ADAMTS9: variants seen among roughly 807,000 people sequenced by gnomAD.
ADAMTS9 encodes A disintegrin and metalloproteinase with thrombospondin motifs 9.
A neutral mutation model predicts 257.1 loss-of-function variants in ADAMTS9; 107 were observed. That is an observed-to-expected ratio of 0.42 (90% confidence interval 0.36 to 0.49). ADAMTS9 has a LOEUF of 0.49. ADAMTS9 is among the 20% of genes least tolerant of loss of function. The pLI, the probability that ADAMTS9 is intolerant of heterozygous loss-of-function variation, is 0.03. For missense variants in ADAMTS9, 2,353 were observed against 2,469.1 expected (o/e 0.95, Z 1.00); for synonymous variants, 982 against 880.9 (o/e 1.11, Z -2.03).
At position 64,633,607 on chromosome 3, in the gene ADAMTS9, A is replaced by G; in HGVS notation, c.2040T>C (p.Ile680=). ...NVRWVPKYSG[I]LMKDRCKLFC... ...ACAACTTGCACCGGTCCTTCATCAG[A>G]ACTAGAGAGGAGAAACAATACAACT... Residue 680 remains isoleucine, a splice_region_variant and synonymous_variant, in exon 14 of 40, where the codon ATT becomes ATC. Transcript: ENST00000498707. 1.2e-6 allele frequency: 2 copies of G among 1,614,066 alleles called. No individual in the cohort carries two copies. Among genetic ancestry groups the G allele is most frequent in the Non-Finnish European group, 1.7e-6 (2 of 1,180,008 alleles).
rs11717158 is a variant in ADAMTS9 at position 64,633,372 on chromosome 3, C to T, written c.2175+100G>A. 685,168 of 1,518,404 alleles carry T rather than the reference C, an allele frequency of 0.45. 159,161 individuals are homozygous for T. Among genetic ancestry groups the T allele is most frequent in the African/African-American group, 0.74 (54,055 of 72,752 alleles). 94.1% of individuals were successfully genotyped at this position (1,518,404 alleles called of 1,614,324 possible). ...ACTTTGAGAACCACTGCCCTGGCAA[C>T]AGTGCACAGATACTAGCAGTTGCTA... On this transcript the variant is annotated intron_variant, in intron 14 of 39. Coordinates refer to ENST00000498707, the MANE Select transcript of ADAMTS9 (RefSeq NM_182920.2).
intron 39 of ADAMTS9, among the ~76,000 whole-genome samples, chr3:64,518,766 T>C (rs1171067456): frequency 6.3e-4 from 21 of 33,578 alleles, no homozygotes; most frequent in Non-Finnish European, 5.2e-3. Flanking sequence ...ACCTTTTCAT[T>C]TTTTTTTTTT....
chr3:64,629,259 A>G (rs942290606), intron 16 of ADAMTS9, among the ~76,000 whole-genome samples: 1 of 152,110 alleles, frequency 6.6e-6, no homozygotes, highest in African/African-American at 2.4e-5. Flanking sequence ...TCTCTTCTCA[A>G]TGTACCAGCC....
rs56347750 is a variant in ADAMTS9, at chr3:64,542,430, C to CTTTCTTT, written c.5065-461_5065-460insAAAGAAA. On this transcript the variant is annotated intron_variant, in intron 32 of 39. Coordinates refer to ENST00000498707, the MANE Select transcript of ADAMTS9 (RefSeq NM_182920.2). ...CTGATCACTTTTCATTTCTTTCTTT[C>CTTTCTTT]TTTTTTTTTTTTTTGAGACAGAGTT... Among the ~76,000 whole-genome samples the CTTTCTTT allele has an allele frequency of 7.5e-3, 933 of 124,502 alleles. 17 individuals carry two copies. The highest frequency in any genetic ancestry group is 0.012 in the Middle Eastern group (3 of 254). The allele number at this position is 124,502 out of a possible 152,430, so 81.7% of individuals were successfully genotyped here. A position where few individuals can be genotyped will look rare whatever the true frequency, so the allele number is the denominator to read the frequency against.
intron 3 of ADAMTS9, among the ~76,000 whole-genome samples, chr3:64,667,318 T>G (rs1187028176): frequency 6.6e-6 from 1 of 152,228 alleles, no homozygotes; most frequent in Non-Finnish European, 1.5e-5. Context: ...TGAGAAGTCT[T>G]GCAGGAAAGA....
chr3:64,652,067 A>G (rs1700944512), intron 8 of ADAMTS9, among the ~76,000 whole-genome samples: 1 of 152,220 alleles, frequency 6.6e-6, no homozygotes, highest in African/African-American at 2.4e-5. Context: ...TCAGGCAATT[A>G]TCTACTGGGT....
At chr3:64,624,878 G>A (rs73832355) in intron 16 of ADAMTS9, among the ~76,000 whole-genome samples, 8,221 of 152,006 alleles carry the variant, frequency 0.054, 698 homozygotes, top group African/African-American at 0.18. Context: ...AATTTTGATT[G>A]TGCTGCTTTT....
chr3:64,580,805 C>T (rs950224876), intron 28 of ADAMTS9, among the ~76,000 whole-genome samples: 17 of 152,202 alleles, frequency 1.1e-4, no homozygotes, highest in Non-Finnish European at 2.2e-4. Flanking sequence ...TCCAAGGACC[C>T]AGTCCCAGGG....
chr3:64,604,552 G>T (rs1049690993), intron 23 of ADAMTS9, among the ~76,000 whole-genome samples: 2 of 152,176 alleles, frequency 1.3e-5, no homozygotes, highest in South Asian at 4.2e-4. Flanking sequence ...AAAGGGCAGG[G>T]GTCAGCTTGA....
At chr3:64,604,442 T>C (rs938537894) in intron 23 of ADAMTS9, 111 bp from the exon 24 acceptor site, 2 of 760,654 alleles carry the variant, frequency 2.6e-6, no homozygotes, top group Middle Eastern at 5.8e-4. Context: ...AGGCTTCAGA[T>C]TTCTGTGTGA....
chr3:64,590,477 T>C (rs901045393), intron 28 of ADAMTS9, among the ~76,000 whole-genome samples: 6 of 152,228 alleles, frequency 3.9e-5, no homozygotes, highest in African/African-American at 1.4e-4. Flanking sequence ...TGCTTTATTA[T>C]ATAACACATA....
At position 64,658,556 on chromosome 3, in the gene ADAMTS9, C is replaced by G. The variant is rs1701141584; in HGVS notation, c.915G>C (p.Met305Ile). The change falls in exon 4 of 40, where the codon ATG becomes ATC. Residue 305 changes from methionine to isoleucine, a missense_variant. By Grantham distance (10) the Met-to-Ile change is conservative. Around this residue, in one of 3 missense-constraint regions of ADAMTS9, gnomAD observed 591 missense variants for 569.6 expected, o/e 1.04. Coordinates refer to ENST00000498707, the MANE Select transcript of ADAMTS9 (RefSeq NM_182920.2). Reference sequence around the variant, plus strand: ...GAAGGTTTTCTCCATGGTATGAAACCATTCTGTTGTCTGCCACCACCAAGA... The same window carrying G: ...GAAGGTTTTCTCCATGGTATGAAACGATTCTGTTGTCTGCCACCACCAAGA... ...VEVLVVADNRMVSYHGENLQH... is the reference protein window; with the variant it reads ...VEVLVVADNRIVSYHGENLQH... 1 of 1,613,730 alleles carries G rather than the reference C, an allele frequency of 6.2e-7. No individual in the cohort carries two copies. Among genetic ancestry groups the G allele is most frequent in the Admixed American group, 1.7e-5 (1 of 59,976 alleles).
chr3:64,629,420 G>C (rs1186435033), intron 16 of ADAMTS9, among the ~76,000 whole-genome samples: 2 of 152,206 alleles, frequency 1.3e-5, no homozygotes, highest in Non-Finnish European at 2.9e-5. Flanking sequence ...TTACCTAGGA[G>C]TGTCCTCTGT....
Position 64,642,057 on chromosome 3 carries a change from T to C in ADAMTS9, c.1711-64A>G, listed in dbSNP as rs533152536. On this transcript the variant is annotated intron_variant, in intron 11 of 39. Transcript: ENST00000498707. ...CTGTGAGTTGTTACAGGACTGGCTG[T>C]CCTTTTAAACACACCATACTGTAAT... 33 of 1,579,472 alleles carry C rather than the reference T, an allele frequency of 2.1e-5. No individual in the cohort carries two copies. In the Admixed American group the frequency reaches 5.6e-4, roughly 27 times the overall value.
chr3:64,550,211 A>G (rs895544892), intron 31 of ADAMTS9: 1 of 152,254 alleles, frequency 6.6e-6, no homozygotes, highest in Non-Finnish European at 1.5e-5. Context: ...ACAGGAAGAT[A>G]TATGAAAAAA....
chr3:64,538,098 T>A (rs2083072333), intron 37 of ADAMTS9, among the ~76,000 whole-genome samples: 1 of 152,170 alleles, frequency 6.6e-6, no homozygotes, highest in Non-Finnish European at 1.5e-5. Flanking sequence ...GAAGTAGGGG[T>A]AACAGGTTGA....
At chr3:64,587,837 G>C (rs1462688381) in intron 28 of ADAMTS9, 1 of 152,142 alleles carries the variant, frequency 6.6e-6, no homozygotes, top group Admixed American at 6.6e-5. Context: ...AAAGAAGATG[G>C]TGTGGAGATC....
chr3:64,585,769 A>G (rs1268057926), intron 28 of ADAMTS9, among the ~76,000 whole-genome samples: 5 of 152,108 alleles, frequency 3.3e-5, no homozygotes, highest in Non-Finnish European at 5.9e-5. Flanking sequence ...ATAGCACCCA[A>G]TATGTGCTTA....
At chr3:64,633,372 C>G (rs11717158) in intron 14 of ADAMTS9, 100 bp downstream of exon 14, 2 of 1,520,030 alleles carry the variant, frequency 1.3e-6, no homozygotes, top group South Asian at 1.3e-5. Flanking sequence ...GCCCTGGCAA[C>G]AGTGCACAGA....
Sources: gnomAD v4.1 joint callset for allele counts (sites outside exome capture counted in the v4.1 genomes callset) on GRCh38, gnomAD v4.1.1 for gene constraint, gnomAD v4.1.1 regional missense constraint, MANE v1.5 for transcripts, NCBI Gene and HGNC (gene_info 2026-07-23, HGNC 2026-07-21) for gene names.